Variants in CDH13 observed in about 807,000 individuals in gnomAD.
CDH13 encodes cadherin 13.
In CDH13, 24 loss-of-function variants were observed where a neutral mutation model predicts 63.8. That is an observed-to-expected ratio of 0.38 (90% CI 0.27 to 0.53). CDH13 has a LOEUF of 0.53. CDH13 is among the 20% of genes least tolerant of loss of function. CDH13 has a pLI of 0.85. For synonymous variants in CDH13, 503 were observed against 355.3 expected, an observed-to-expected ratio of 1.42 and a Z score of -4.67; for missense variants, 1,049 against 903.1, an observed-to-expected ratio of 1.16 and a Z score of -2.07.
chr16:83,429,966 C>T (rs527272027), intron 6 of CDH13, among the ~76,000 whole-genome samples: 24 of 152,254 alleles, frequency 1.6e-4, no homozygotes, highest in African/African-American at 5.8e-4. Context: ...CCCTTCAGCC[C>T]CTGGCAACCA....
chr16:82,857,241 A>G (rs889052539), intron 1 of CDH13, among the ~76,000 whole-genome samples: 4 of 152,198 alleles, frequency 2.6e-5, no homozygotes, highest in African/African-American at 7.2e-5. Context: ...TATAAAATAT[A>G]CCTTATAACA....
chr16:83,389,843 G>C (rs2091751038), intron 6 of CDH13, among the ~76,000 whole-genome samples: 3 of 152,218 alleles, frequency 2.0e-5, no homozygotes, highest in Admixed American at 2.0e-4. Context: ...CAGCAGAAGA[G>C]TTGGCCCTTA....
intron 1 of CDH13, among the ~76,000 whole-genome samples, chr16:82,781,435 G>A (rs1054056089): frequency 6.6e-6 from 1 of 151,958 alleles, no homozygotes; most frequent in Non-Finnish European, 1.5e-5. Flanking sequence ...TTGGCAACTT[G>A]ATGGCTAAGG....
intron 6 of CDH13, among the ~76,000 whole-genome samples, chr16:83,455,577 C>T (rs1359896800): frequency 1.3e-5 from 2 of 152,176 alleles, no homozygotes; most frequent in African/African-American, 4.8e-5. Context: ...GTGGCTCCTT[C>T]TTGTGCTCTT....
chr16:82,886,238 C>G (rs972906697), intron 2 of CDH13, among the ~76,000 whole-genome samples: 1 of 152,106 alleles, frequency 6.6e-6, no homozygotes. Context: ...AGTGAACATC[C>G]TTATTCAGTT....
chr16:83,483,618 A>C (rs187795536), intron 6 of CDH13, among the ~76,000 whole-genome samples: 1 of 152,304 alleles, frequency 6.6e-6, no homozygotes, highest in Admixed American at 6.5e-5. Context: ...ACATTAACTA[A>C]GTGCAAGGCC....
chr16:83,264,017 C>T (rs1907298068), intron 5 of CDH13, among the ~76,000 whole-genome samples: 3 of 152,150 alleles, frequency 2.0e-5, no homozygotes, highest in Admixed American at 1.3e-4. Flanking sequence ...TAGAAGTACC[C>T]AACCTATTGT....
intron 1 of CDH13, among the ~76,000 whole-genome samples, chr16:82,775,568 G>A (rs981705750): frequency 2.0e-5 from 3 of 152,118 alleles, no homozygotes; most frequent in Non-Finnish European, 4.4e-5. Flanking sequence ...TATGGGAAAG[G>A]TACTCTGTTA....
chr16:83,080,879 T>TTTTG (rs1555579061), intron 3 of CDH13, among the ~76,000 whole-genome samples: 2 of 110,626 alleles, frequency 1.8e-5, no homozygotes, highest in African/African-American at 3.7e-5. Context: ...GTGTTTTTTT[T>TTTTG]TTTTTTTTTT....
chr16:83,655,870 G>A (rs1488222958), intron 8 of CDH13, among the ~76,000 whole-genome samples: 1 of 152,154 alleles, frequency 6.6e-6, no homozygotes. Flanking sequence ...GTGGCAGGGG[G>A]GAAAACAGAG....
chr16:83,297,958 C>T (rs2089640811), intron 5 of CDH13, among the ~76,000 whole-genome samples: 1 of 149,920 alleles, frequency 6.7e-6, no homozygotes. Flanking sequence ...CACTTGTAAT[C>T]ACAGCACTTT....
intron 7 of CDH13, among the ~76,000 whole-genome samples, chr16:83,547,306 A>G (rs1169990800): frequency 1.3e-5 from 2 of 152,186 alleles, no homozygotes; most frequent in African/African-American, 2.4e-5. Flanking sequence ...TGTTTAATCT[A>G]TTTTTTAGCT....
chr16:82,994,862 C>T, intron 2 of CDH13, among the ~76,000 whole-genome samples: 1 of 152,140 alleles, frequency 6.6e-6, no homozygotes, highest in East Asian at 1.9e-4. Flanking sequence ...AAGAGAATAA[C>T]TTTGGACATA....
Position 83,585,250 on chromosome 16 carries a change from C to T in CDH13, c.961-17204C>T, listed in dbSNP as rs576511895. Among the ~76,000 whole-genome samples the T allele has an allele frequency of 2.6e-5, 4 of 152,276 alleles. No individual in the cohort carries two copies. In the East Asian group the frequency reaches 7.7e-4, roughly 29 times the overall value. On this transcript the variant is annotated intron_variant, in intron 7 of 13. Transcript: ENST00000567109. ...ACCTTCCTGCACTCTATAACTACTT[C>T]CCAGATCACTCCGAATTTATATTTG...
At chr16:82,849,550 A>T (rs2039396466) in intron 1 of CDH13, among the ~76,000 whole-genome samples, 1 of 152,210 alleles carries the variant, frequency 6.6e-6, no homozygotes, top group South Asian at 2.1e-4. Context: ...GGAAGTGCTG[A>T]TATAGAAGCT....
chr16:82,960,816 C>G (rs917942154), intron 2 of CDH13, among the ~76,000 whole-genome samples: 11 of 151,776 alleles, frequency 7.2e-5, no homozygotes, highest in African/African-American at 2.7e-4. Flanking sequence ...TTTTTTTAAT[C>G]TTTAAAAAAA....
At chr16:83,266,991 G>T (rs1393884324) in intron 5 of CDH13, among the ~76,000 whole-genome samples, 1 of 152,048 alleles carries the variant, frequency 6.6e-6, no homozygotes, top group Non-Finnish European at 1.5e-5. Context: ...TATGACTGTT[G>T]TTGCCCCAGA....
At chr16:83,313,353 C>A (rs1463720671) in intron 5 of CDH13, among the ~76,000 whole-genome samples, 2 of 152,170 alleles carry the variant, frequency 1.3e-5, no homozygotes, top group Non-Finnish European at 2.9e-5. Flanking sequence ...ATATCCAACT[C>A]AATATATGCA....
At chr16:83,518,718 G>A (rs565617723) in intron 7 of CDH13, among the ~76,000 whole-genome samples, 6 of 151,738 alleles carry the variant, frequency 4.0e-5, no homozygotes, top group South Asian at 2.1e-4. Context: ...TGATCTGCCC[G>A]CCTCAGCCTC....
Sources: gnomAD v4.1 joint callset for allele counts (sites outside exome capture counted in the v4.1 genomes callset) on GRCh38, gnomAD v4.1.1 for gene constraint, MANE v1.5 for transcripts, NCBI Gene and HGNC (gene_info 2026-07-23, HGNC 2026-07-21) for gene names.